The following TBCA variants were observed in gnomAD, a reference collection of about 807,000 sequenced individuals.
TBCA encodes tubulin folding cofactor A.
Under a neutral mutation model 15.8 loss-of-function variants are expected in TBCA, and 6 were observed. That is an observed-to-expected ratio of 0.38 (90% confidence interval 0.21 to 0.75). The LOEUF (loss-of-function observed/expected upper bound fraction) is 0.75. TBCA is among the 30% of genes least tolerant of loss of function. The probability of loss-of-function intolerance (pLI) is 0.46; values close to 1 mark genes in which losing one functional copy is unlikely to be tolerated. For missense variants in TBCA, 90 were observed against 131.2 expected (o/e 0.69, Z 1.53); for synonymous variants, 32 against 42.3 (o/e 0.76, Z 0.94).
chr5:77,703,163 G>A (rs1186683541), intron 2 of TBCA, among the ~76,000 whole-genome samples: 2 of 152,102 alleles, frequency 1.3e-5, no homozygotes, highest in Non-Finnish European at 2.9e-5. Flanking sequence ...TGCAATAATT[G>A]CAAAGCTTTT....
intron 1 of TBCA, among the ~76,000 whole-genome samples, chr5:77,762,984 C>G (rs997920377): frequency 8.5e-5 from 13 of 152,230 alleles, no homozygotes; most frequent in African/African-American, 3.1e-4. Flanking sequence ...TGGCTCACGC[C>G]TGTAATCCCA....
intron 1 of TBCA, among the ~76,000 whole-genome samples, chr5:77,755,240 T>C (rs957030454): frequency 6.6e-6 from 1 of 152,160 alleles, no homozygotes; most frequent in Non-Finnish European, 1.5e-5. Context: ...AGGTTAACCT[T>C]TGGGATCTGA....
At chr5:77,734,595 T>C (rs1182224882) in intron 1 of TBCA, among the ~76,000 whole-genome samples, 3 of 152,202 alleles carry the variant, frequency 2.0e-5, no homozygotes, top group Admixed American at 1.3e-4. Context: ...CAAGAGTTAC[T>C]CCTTATGGAT....
intron 1 of TBCA, among the ~76,000 whole-genome samples, chr5:77,745,387 T>C (rs374374975): frequency 9.9e-4 from 151 of 152,366 alleles, no homozygotes; most frequent in African/African-American, 3.3e-3. Context: ...GTAATATTTA[T>C]TTGTAATTCA....
chr5:77,776,087 G>A (rs1748017974), intron 1 of TBCA, 118 bp downstream of exon 1: 1 of 1,288,818 alleles, frequency 7.8e-7, no homozygotes. Context: ...GGAGCCCCGG[G>A]TGCGGCCTGG....
intron 2 of TBCA, among the ~76,000 whole-genome samples, chr5:77,695,476 C>G (rs1430386247): frequency 6.6e-6 from 1 of 152,134 alleles, no homozygotes; most frequent in Non-Finnish European, 1.5e-5. Flanking sequence ...GATCATGCCA[C>G]AGAGAGGCAA....
intron 1 of TBCA, among the ~76,000 whole-genome samples, chr5:77,764,566 A>G (rs1222419006): frequency 1.3e-5 from 2 of 152,088 alleles, no homozygotes; most frequent in African/African-American, 4.8e-5. Context: ...CAATATTCAG[A>G]AAAAAAACTA....
intron 1 of TBCA, among the ~76,000 whole-genome samples, chr5:77,725,071 C>CTT (rs34730711): frequency 0.38 from 58,276 of 151,860 alleles, 11,213 homozygotes; most frequent in South Asian, 0.41. Context: ...TTACCTGAGA[C>CTT]GGCTTTTTTA....
chr5:77,719,186 G>A (rs1450215300), intron 1 of TBCA, among the ~76,000 whole-genome samples: 1 of 152,128 alleles, frequency 6.6e-6, no homozygotes, highest in Non-Finnish European at 1.5e-5. Context: ...GCAATTCAAA[G>A]AAGTGAAAAG....
chr5:77,760,290 G>GA (rs958333661), intron 1 of TBCA, among the ~76,000 whole-genome samples: 2 of 152,046 alleles, frequency 1.3e-5, no homozygotes, highest in African/African-American at 2.4e-5. Context: ...TTTATGTAAG[G>GA]AAAAAAATCA....
chr5:77,752,482 G>A (rs1220831763), intron 1 of TBCA, among the ~76,000 whole-genome samples: 2 of 152,136 alleles, frequency 1.3e-5, no homozygotes, highest in East Asian at 3.8e-4. Context: ...TACTGCCTCA[G>A]CCTCCAAAGT....
chr5:77,709,055 T>C (rs1746215180), intron 1 of TBCA, among the ~76,000 whole-genome samples: 2 of 151,394 alleles, frequency 1.3e-5, no homozygotes, highest in South Asian at 2.1e-4. Flanking sequence ...TGATAAAAGC[T>C]CAGTTTACTG....
At chr5:77,712,588 T>C (rs564588909) in intron 1 of TBCA, among the ~76,000 whole-genome samples, 1 of 152,208 alleles carries the variant, frequency 6.6e-6, no homozygotes, top group African/African-American at 2.4e-5. Flanking sequence ...AAAAACAAAA[T>C]TTTAAAAATC....
At chr5:77,775,368 T>C (rs760406861) in intron 1 of TBCA, among the ~76,000 whole-genome samples, 1 of 152,198 alleles carries the variant, frequency 6.6e-6, no homozygotes. Context: ...CCCAACCTTC[T>C]AGTTGTCCTG....
intron 1 of TBCA, among the ~76,000 whole-genome samples, chr5:77,717,547 T>G (rs1746424852): frequency 6.6e-6 from 1 of 152,212 alleles, no homozygotes; most frequent in Non-Finnish European, 1.5e-5. Context: ...TTTTTGCTTT[T>G]AGTCGGGCGC....
intron 1 of TBCA, among the ~76,000 whole-genome samples, chr5:77,744,351 C>T (rs138703125): frequency 2.0e-5 from 3 of 151,918 alleles, no homozygotes; most frequent in South Asian, 2.1e-4. Context: ...GCTAAATACC[C>T]CAATGTAAAG....
At chr5:77,735,311 C>T (rs1037195686) in intron 1 of TBCA, among the ~76,000 whole-genome samples, 5 of 152,172 alleles carry the variant, frequency 3.3e-5, no homozygotes, top group South Asian at 2.1e-4. Flanking sequence ...CGAAAATCTA[C>T]TCTACTTTCC....
In TBCA at chr5:77,714,504, T is replaced by C. The variant is rs910897061; in HGVS notation, c.54-6157A>G. ...AGAGAAAATGATTTATAACCTGGATTTATAACTATAATAAAAGGTGGAGAA... is the reference window on the plus strand; with the variant it reads ...AGAGAAAATGATTTATAACCTGGATCTATAACTATAATAAAAGGTGGAGAA... On this transcript the variant is annotated intron_variant, in intron 1 of 3. Coordinates refer to ENST00000380377, the MANE Select transcript of TBCA (RefSeq NM_004607.3). 1.9e-4 allele frequency among the ~76,000 whole-genome samples: 29 copies of C among 152,120 alleles called. 1 individual carries two copies. Among genetic ancestry groups the C allele is most frequent in the African/African-American group, 6.8e-4 (28 of 41,436 alleles).
chr5:77,711,102 T>C (rs73768433), intron 1 of TBCA, among the ~76,000 whole-genome samples: 7 of 152,256 alleles, frequency 4.6e-5, no homozygotes, highest in African/African-American at 1.7e-4. Context: ...GTCTCAGAGC[T>C]ATGAACAGTT....
Sources: gnomAD v4.1 joint callset for allele counts (sites outside exome capture counted in the v4.1 genomes callset) on GRCh38, gnomAD v4.1.1 for gene constraint, MANE v1.5 for transcripts, NCBI Gene and HGNC (gene_info 2026-07-23, HGNC 2026-07-21) for gene names.